The following CNTLN variants were observed in gnomAD, a reference collection of about 807,000 sequenced individuals.
CNTLN encodes centlein, centrosomal protein.
In CNTLN, 212 loss-of-function variants were observed where a neutral mutation model predicts 180.0. The ratio of observed to expected loss-of-function variants is 1.18; its 90% CI spans 1.05 to 1.32. CNTLN has a LOEUF of 1.32. Among genes scored for constraint, CNTLN ranks in the 40% most tolerant of loss-of-function variants. CNTLN has a pLI of 0.00. For missense variants in CNTLN, 2,095 were observed against 1,610.9 expected (o/e 1.30, Z -5.14); for synonymous variants, 722 against 563.1 (o/e 1.28, Z -3.99).
intron 3 of CNTLN, among the ~76,000 whole-genome samples, chr9:17,231,955 C>T (rs1168712145): frequency 3.3e-5 from 5 of 152,000 alleles, no homozygotes; most frequent in Non-Finnish European, 4.4e-5. Context: ...GACATTCTCT[C>T]TCTTGTCATC....
intron 2 of CNTLN, among the ~76,000 whole-genome samples, chr9:17,223,782 T>C (rs1158880246): frequency 6.6e-6 from 1 of 152,054 alleles, no homozygotes; most frequent in Non-Finnish European, 1.5e-5. Flanking sequence ...TGCCTTCCCA[T>C]TTCACTTCAG....
rs573903371 is a variant in CNTLN at position 17,159,763 on chromosome 9, C to A, written c.449+16387C>A. Among the ~76,000 whole-genome samples, 7 of 152,250 alleles carry A rather than the reference C, an allele frequency of 4.6e-5. No individual in the cohort carries two copies. In the South Asian group the frequency reaches 1.2e-3, roughly 27 times the overall value. On this transcript the variant is annotated intron_variant, in intron 2 of 25. Transcript: ENST00000380647. ...GTTGAGCTGGAAAGGTGGAAGGAGG[C>A]AGTGGTTTTGGTTTAGATACCACAA...
At chr9:17,232,905 T>G (rs1824902424) in intron 3 of CNTLN, among the ~76,000 whole-genome samples, 1 of 152,016 alleles carries the variant, frequency 6.6e-6, no homozygotes, top group Non-Finnish European at 1.5e-5. Context: ...GATTGTAAAT[T>G]GTGGAGGAGC....
chr9:17,193,784 G>A (rs1039238663), intron 2 of CNTLN, among the ~76,000 whole-genome samples: 1 of 152,204 alleles, frequency 6.6e-6, no homozygotes, highest in Non-Finnish European at 1.5e-5. Context: ...TGGGGGCTCC[G>A]ATTCCACATT....
At chr9:17,289,797 G>T (rs140810883) in intron 6 of CNTLN, among the ~76,000 whole-genome samples, 32,071 of 139,166 alleles carry the variant, frequency 0.23, 4,301 homozygotes, top group South Asian at 0.37. Context: ...CCAGTTGATC[G>T]CATGGGCTCC....
intron 2 of CNTLN, among the ~76,000 whole-genome samples, chr9:17,191,966 C>A (rs1316685346): frequency 6.6e-6 from 1 of 152,040 alleles, no homozygotes; most frequent in African/African-American, 2.4e-5. Flanking sequence ...GGTGTCTGCC[C>A]ACTGAACTGT....
At chr9:17,287,813 C>T (rs1043060206) in intron 6 of CNTLN, among the ~76,000 whole-genome samples, 5 of 147,334 alleles carry the variant, frequency 3.4e-5, no homozygotes, top group Non-Finnish European at 7.4e-5. Flanking sequence ...TTGTAGTATT[C>T]TCTGATGGTA....
chr9:17,421,726 A>G (rs138534450), intron 18 of CNTLN, among the ~76,000 whole-genome samples: 2,471 of 152,152 alleles, frequency 0.016, 62 homozygotes, highest in African/African-American at 0.057. Flanking sequence ...GTGTGTATAT[A>G]TCTGTTGTAG....
At chr9:17,440,415 A>G (rs916249027) in intron 18 of CNTLN, among the ~76,000 whole-genome samples, 2 of 144,212 alleles carry the variant, frequency 1.4e-5, no homozygotes, top group African/African-American at 5.4e-5. Flanking sequence ...CTACTAAAAT[A>G]AAATACAAAA....
intron 25 of CNTLN, among the ~76,000 whole-genome samples, chr9:17,501,422 C>T (rs1833748921): frequency 6.6e-6 from 1 of 152,216 alleles, no homozygotes; most frequent in South Asian, 2.1e-4. Flanking sequence ...CCTGCCTGCT[C>T]TTTAGTTCTA....
At chr9:17,212,335 C>G (rs1823382803) in intron 2 of CNTLN, among the ~76,000 whole-genome samples, 1 of 152,136 alleles carries the variant, frequency 6.6e-6, no homozygotes, top group Non-Finnish European at 1.5e-5. Flanking sequence ...GTCTTTGGTT[C>G]TGTTTATATG....
In CNTLN at chr9:17,452,244, T is replaced by C. The variant is rs149779448; in HGVS notation, c.3115-5280T>C. Among the ~76,000 whole-genome samples, 1,329 of 152,350 alleles carry C rather than the reference T, an allele frequency of 8.7e-3. 14 individuals carry two copies. The highest frequency in any genetic ancestry group is 0.014 in the Non-Finnish European group (923 of 68,016). ...TCCAAGGGCCTTGTTTTATTTTTTCTGGTAGTTCATTCCTAAACATTAAAA... is the reference window on the plus strand; with the variant it reads ...TCCAAGGGCCTTGTTTTATTTTTTCCGGTAGTTCATTCCTAAACATTAAAA... On this transcript the variant is annotated intron_variant, in intron 18 of 25. Coordinates refer to ENST00000380647, the MANE Select transcript of CNTLN (RefSeq NM_017738.4).
intron 16 of CNTLN, 64 bp downstream of exon 16, chr9:17,409,537 T>A: frequency 1.7e-6 from 2 of 1,188,642 alleles, no homozygotes; most frequent in Non-Finnish European, 2.3e-6. Context: ...GCTTTATAAC[T>A]TAAGTAAATA....
chr9:17,260,739 C>T (rs924965392), intron 5 of CNTLN, among the ~76,000 whole-genome samples: 10 of 151,324 alleles, frequency 6.6e-5, no homozygotes, highest in African/African-American at 2.4e-4. Flanking sequence ...CTTTTGATGT[C>T]TTCATCATAA....
chr9:17,299,394 T>C, intron 7 of CNTLN: 1 of 928,150 alleles, frequency 1.1e-6, no homozygotes, highest in Non-Finnish European at 1.3e-6. Context: ...AGAGGTTAAA[T>C]AATACACAGT....
chr9:17,304,276 A>T (rs1040299875), intron 7 of CNTLN, among the ~76,000 whole-genome samples: 2 of 152,154 alleles, frequency 1.3e-5, no homozygotes, highest in African/African-American at 4.8e-5. Flanking sequence ...GGAGAAAAAC[A>T]CCTATCAAGA....
intron 6 of CNTLN, among the ~76,000 whole-genome samples, chr9:17,292,984 GCTTT>G (rs1829514167): frequency 2.0e-5 from 3 of 152,292 alleles, no homozygotes; most frequent in South Asian, 2.1e-4. Context: ...TATTGTTGTT[GCTTT>G]CTGTTTGTTT....
At chr9:17,166,386 A>G (rs1820070029) in intron 2 of CNTLN, among the ~76,000 whole-genome samples, 1 of 152,228 alleles carries the variant, frequency 6.6e-6, no homozygotes, top group African/African-American at 2.4e-5. Flanking sequence ...TATAGGTGCT[A>G]TAACAGTCAT....
chr9:17,357,406 T>C (rs368174984), intron 12 of CNTLN, among the ~76,000 whole-genome samples: 11 of 151,820 alleles, frequency 7.2e-5, no homozygotes, highest in African/African-American at 2.6e-4. Flanking sequence ...GGAATTTTAT[T>C]TTGTAACTCT....
Sources: gnomAD v4.1 joint callset for allele counts (sites outside exome capture counted in the v4.1 genomes callset) on GRCh38, gnomAD v4.1.1 for gene constraint, MANE v1.5 for transcripts, NCBI Gene and HGNC (gene_info 2026-07-23, HGNC 2026-07-21) for gene names.